The following UQCRH variants were observed in gnomAD, a reference collection of about 807,000 sequenced individuals.
UQCRH encodes the protein ubiquinol-cytochrome c reductase hinge protein, also known as cytochrome b-c1 complex subunit 6, mitochondrial.
In UQCRH, 14 loss-of-function variants were observed where a neutral mutation model predicts 16.3. That is an observed-to-expected ratio of 0.86 (90% confidence interval 0.57 to 1.34). UQCRH has a LOEUF of 1.34. UQCRH is among the 40% of genes most tolerant of loss of function. The pLI, the probability that UQCRH is intolerant of heterozygous loss-of-function variation, is 0.00. For synonymous variants in UQCRH, 41 were observed against 41.9 expected, an observed-to-expected ratio of 0.98 and a Z score of 0.08; for missense variants, 89 against 111.9, an observed-to-expected ratio of 0.80 and a Z score of 0.92.
At chr1:46,306,673 T>C (rs1326080804) in intron 1 of UQCRH, among the ~76,000 whole-genome samples, 3 of 152,092 alleles carry the variant, frequency 2.0e-5, no homozygotes. Flanking sequence ...CACCCGGCTT[T>C]CAGTATGTTT....
intron 1 of UQCRH, among the ~76,000 whole-genome samples, chr1:46,308,034 G>A (rs529299568): frequency 7.9e-5 from 12 of 152,280 alleles, no homozygotes; most frequent in Non-Finnish European, 1.3e-4. Context: ...TCTAAACTGG[G>A]ATTACCTCCT....
chr1:46,314,052 A>G (rs570615364), intron 3 of UQCRH, among the ~76,000 whole-genome samples: 1 of 152,274 alleles, frequency 6.6e-6, no homozygotes, highest in South Asian at 2.1e-4. Context: ...TGCTTTGTAT[A>G]TACAATGGGA....
intron 1 of UQCRH, among the ~76,000 whole-genome samples, chr1:46,307,993 A>G (rs1661405301): frequency 6.6e-6 from 1 of 152,202 alleles, no homozygotes; most frequent in South Asian, 2.1e-4. Flanking sequence ...TTGAATCTGT[A>G]TCAGAAAATG....
chr1:46,312,512 G>A lies in UQCRH; in HGVS notation c.243+2196G>A, dbSNP rs74793198. Among the ~76,000 whole-genome samples the A allele has an allele frequency of 1.0e-3, 159 of 152,040 alleles. 2 individuals are homozygous for A. The South Asian group carries it at 0.017, about 16-fold the overall frequency. ...ACATGCCACTCATCTCAGCTTCCCA[G>A]AGTGTTGGGATTACAGGTGTGAGAT... is the stretch of plus-strand genomic sequence containing the variant. On this transcript the variant is annotated intron_variant, in intron 3 of 3. Transcript: ENST00000311672.
At chr1:46,309,208 G>A in intron 2 of UQCRH, 81 bp downstream of exon 2, 1 of 1,486,264 alleles carries the variant, frequency 6.7e-7, no homozygotes, top group South Asian at 1.2e-5. Flanking sequence ...ATTTTAAGGA[G>A]TTTTTACTTG....
At chr1:46,313,936 A>G (rs1424197564) in intron 3 of UQCRH, among the ~76,000 whole-genome samples, 1 of 152,206 alleles carries the variant, frequency 6.6e-6, no homozygotes, top group African/African-American at 2.4e-5. Context: ...ACCCAGAAGT[A>G]TTGAGAGTAG....
intron 3 of UQCRH, among the ~76,000 whole-genome samples, chr1:46,316,062 G>A (rs889092308): frequency 1.3e-5 from 2 of 151,850 alleles, no homozygotes; most frequent in South Asian, 2.1e-4. Context: ...TGAACCCCCC[G>A]CCCCGCCTCC....
At chr1:46,315,853 T>C (rs1661573940) in intron 3 of UQCRH, among the ~76,000 whole-genome samples, 1 of 152,148 alleles carries the variant, frequency 6.6e-6, no homozygotes, top group Admixed American at 6.6e-5. Flanking sequence ...CTACTGTTGA[T>C]TTTCCCCCTC....
At position 46,303,744 on chromosome 1, in the gene UQCRH, T is replaced by G. The variant is rs1315939197; in HGVS notation, c.-23T>G. The G allele has an allele frequency of 1.2e-6, 2 of 1,614,112 alleles. No individual in the cohort carries two copies. The highest frequency in any genetic ancestry group is 1.7e-6 in the Non-Finnish European group (2 of 1,179,982). ...TAGGTGCCGCTGTTGCTGCTCGTGT[T>G]GAATCTAGAACCGTAGCCAGACATG... On this transcript the variant is annotated 5_prime_UTR_variant, in exon 1 of 4. Transcript: ENST00000311672.
chr1:46,314,788 A>C (rs1221493736), intron 3 of UQCRH, among the ~76,000 whole-genome samples: 1 of 152,204 alleles, frequency 6.6e-6, no homozygotes, highest in African/African-American at 2.4e-5. Flanking sequence ...CACTTTGGTG[A>C]GGTACCTAGA....
intron 3 of UQCRH, among the ~76,000 whole-genome samples, chr1:46,313,863 T>C (rs1661529516): frequency 6.6e-6 from 1 of 151,926 alleles, no homozygotes; most frequent in Non-Finnish European, 1.5e-5. Flanking sequence ...ACAAGTTCTT[T>C]TCTCAAAAAT....
Position 46,303,782 on chromosome 1 carries a change from G to C in UQCRH, c.16G>C (p.Glu6Gln), listed in dbSNP as rs768196746. ...GTAGCCAGACATGGGACTGGAGGAC[G>C]AGCAAAAGATGCTTACCGAATCCGG... is the stretch of plus-strand genomic sequence containing the variant. MGLED[E>Q]QKMLTESGDP... Residue 6 changes from glutamate to glutamine, a missense_variant, in exon 1 of 4, where the codon GAG (glutamate) becomes CAG (glutamine). Coordinates refer to ENST00000311672, the MANE Select transcript of UQCRH (RefSeq NM_006004.4). The C allele has an allele frequency of 6.2e-7, 1 of 1,614,028 alleles. No homozygotes were observed. The highest frequency in any genetic ancestry group is 1.3e-5 in the African/African-American group (1 of 74,908).
intron 3 of UQCRH, among the ~76,000 whole-genome samples, chr1:46,312,296 G>A (rs983721309): frequency 6.6e-6 from 1 of 151,824 alleles, no homozygotes; most frequent in Non-Finnish European, 1.5e-5. Flanking sequence ...GTAGAGACGG[G>A]GTTTCACCAT....
At position 46,309,082 on chromosome 1, in the gene UQCRH, T is replaced by C. The variant is rs768108517; in HGVS notation, c.55-19T>C. On this transcript the variant is annotated intron_variant, in intron 1 of 3. Transcript: ENST00000311672. ...GTCATAAAATTGCTGCTGACATTAA[T>C]TTTGTTTTCCTTTTGTAGGAGGAAG... 1.9e-6 allele frequency: 3 copies of C among 1,613,448 alleles called. No individual in the cohort carries two copies. In the African/African-American group the frequency reaches 4.0e-5, roughly 22 times the overall value.
chr1:46,311,433 C>T (rs575856435), intron 3 of UQCRH, among the ~76,000 whole-genome samples: 4 of 149,064 alleles, frequency 2.7e-5, no homozygotes, highest in Admixed American at 1.3e-4. Flanking sequence ...AAAAATTAGC[C>T]GGGCGTGGTG....
intron 3 of UQCRH, among the ~76,000 whole-genome samples, chr1:46,311,082 A>AT (rs1275137566): frequency 1.3e-4 from 19 of 150,024 alleles, no homozygotes; most frequent in Non-Finnish European, 2.2e-4. Context: ...CTCAAAAAAA[A>AT]AAAAAAATAA....
At position 46,316,776 on chromosome 1, in the gene UQCRH, A is replaced by T; in HGVS notation, c.*192A>T. ...TAAATAAAAGTTCTATGATCTGCAA[A>T]CCTGCCCGTCTTTTTTTTTTAATTG... On this transcript the variant is annotated 3_prime_UTR_variant, in exon 4 of 4. Coordinates refer to ENST00000311672, the MANE Select transcript of UQCRH (RefSeq NM_006004.4). 1.4e-6 allele frequency: 1 copy of T among 694,592 alleles called. No individual in the cohort carries two copies. The highest frequency in any genetic ancestry group is 3.4e-5 in the South Asian group (1 of 29,718). 43.0% of individuals were successfully genotyped at this position (694,592 alleles called of 1,614,324 possible).
chr1:46,305,244 G>A (rs1268694504), intron 1 of UQCRH, among the ~76,000 whole-genome samples: 1 of 143,776 alleles, frequency 7.0e-6, no homozygotes, highest in Non-Finnish European at 1.5e-5. Flanking sequence ...GCTGCAGTGA[G>A]CCGTGATCGT....
intron 3 of UQCRH, among the ~76,000 whole-genome samples, chr1:46,313,744 G>C (rs2148337946): frequency 6.6e-6 from 1 of 152,030 alleles, no homozygotes; most frequent in East Asian, 1.9e-4. Context: ...GGAGGCTGAG[G>C]TGGGAGGATC....
Sources: allele counts gnomAD v4.1 joint callset (sites outside exome capture counted in the v4.1 genomes callset), GRCh38; gene constraint gnomAD v4.1.1; transcripts MANE v1.5; gene names NCBI Gene and HGNC (gene_info 2026-07-23, HGNC 2026-07-21).